Variants in NALF1 observed in about 807,000 individuals in gnomAD.
The protein encoded by NALF1 is NALCN channel auxiliary factor 1.
In NALF1, 3 loss-of-function variants were observed where a neutral mutation model predicts 48.4. The ratio of observed to expected loss-of-function variants is 0.06; its 90% CI spans 0.03 to 0.16. NALF1 has a LOEUF of 0.16. Ranked by LOEUF, NALF1 falls within the 10% of genes least tolerant of loss-of-function variation. The pLI is 1.00. For missense variants in NALF1, 526 were observed against 571.5 expected (o/e 0.92, Z 0.81); for synonymous variants, 262 against 245.7 (o/e 1.07, Z -0.62).
At chr13:107,280,696 C>T (rs776396132) in intron 1 of NALF1, among the ~76,000 whole-genome samples, 8 of 152,112 alleles carry the variant, frequency 5.3e-5, no homozygotes, top group East Asian at 1.9e-4. Flanking sequence ...CTTTCTATTC[C>T]GAATTGCCAC....
chr13:107,789,760 G>A (rs968155767), intron 1 of NALF1, among the ~76,000 whole-genome samples: 16 of 152,200 alleles, frequency 1.1e-4, no homozygotes, highest in African/African-American at 3.9e-4. Flanking sequence ...AGGTCTCCCA[G>A]CCGAATGCCC....
chr13:107,314,308 TCTC>T (rs1250302997), intron 1 of NALF1, among the ~76,000 whole-genome samples: 3 of 152,108 alleles, frequency 2.0e-5, no homozygotes, highest in Admixed American at 6.6e-5. Context: ...GTCTGAATAA[TCTC>T]CTTCAAATGC....
chr13:107,794,965 C>T (rs1185124889), intron 1 of NALF1, among the ~76,000 whole-genome samples: 2 of 151,692 alleles, frequency 1.3e-5, no homozygotes, highest in Non-Finnish European at 2.9e-5. Flanking sequence ...ACCTTATTGC[C>T]TGAGAGTATA....
At chr13:107,170,844 G>C in intron 2 of NALF1, 58 bp from the exon 3 acceptor site, 3 of 1,496,084 alleles carry the variant, frequency 2.0e-6, no homozygotes, top group Non-Finnish European at 1.8e-6. Flanking sequence ...CGACATAGTA[G>C]AGTGAAGCTG....
chr13:107,340,495 T>G (rs906398863), intron 1 of NALF1, among the ~76,000 whole-genome samples: 1 of 138,436 alleles, frequency 7.2e-6, no homozygotes, highest in Non-Finnish European at 1.5e-5. Flanking sequence ...CTTTTTGTCT[T>G]TCTTTCTTTC....
intron 2 of NALF1, among the ~76,000 whole-genome samples, chr13:107,206,357 A>G (rs990798058): frequency 2.0e-5 from 3 of 152,166 alleles, no homozygotes; most frequent in African/African-American, 4.8e-5. Context: ...AACATCCTCA[A>G]TCAAAAGCAT....
At chr13:107,506,758 C>T (rs1325972502) in intron 1 of NALF1, among the ~76,000 whole-genome samples, 1 of 151,896 alleles carries the variant, frequency 6.6e-6, no homozygotes, top group African/African-American at 2.4e-5. Flanking sequence ...TTTTATTTAT[C>T]CATTTATCTT....
chr13:107,680,467 TATGA>T (rs1179248682), intron 1 of NALF1, among the ~76,000 whole-genome samples: 3 of 151,956 alleles, frequency 2.0e-5, no homozygotes, highest in Non-Finnish European at 4.4e-5. Flanking sequence ...TGTGAGTGCA[TATGA>T]ATGAGAGTGT....
intron 1 of NALF1, among the ~76,000 whole-genome samples, chr13:107,270,321 C>A (rs981685737): frequency 2.0e-5 from 3 of 151,982 alleles, no homozygotes; most frequent in Non-Finnish European, 4.4e-5. Flanking sequence ...GCAATACATG[C>A]ACTATACACT....
intron 1 of NALF1, among the ~76,000 whole-genome samples, chr13:107,629,737 G>A (rs1220233479): frequency 6.6e-6 from 1 of 152,044 alleles, no homozygotes; most frequent in East Asian, 1.9e-4. Context: ...GATAGATATA[G>A]ATAGAAATGT....
At chr13:107,272,189 C>A in intron 1 of NALF1, among the ~76,000 whole-genome samples, 1 of 65,408 alleles carries the variant, frequency 1.5e-5, no homozygotes, top group Non-Finnish European at 3.7e-5. Context: ...ATAAGCAGAC[C>A]TTAGAATTTT....
chr13:107,689,616 G>C (rs879314210), intron 1 of NALF1, among the ~76,000 whole-genome samples: 3 of 152,038 alleles, frequency 2.0e-5, no homozygotes, highest in Non-Finnish European at 4.4e-5. Context: ...CCAGACATCA[G>C]AGTCATGGCA....
intron 1 of NALF1, among the ~76,000 whole-genome samples, chr13:107,803,313 T>A (rs1878678259): frequency 6.6e-6 from 1 of 152,188 alleles, no homozygotes. Context: ...TATATTTCTA[T>A]ATTAAATATA....
chr13:107,332,297 C>T (rs1464164072), intron 1 of NALF1, among the ~76,000 whole-genome samples: 2 of 152,190 alleles, frequency 1.3e-5, no homozygotes, highest in African/African-American at 4.8e-5. Context: ...CAGTGTGCCA[C>T]CTGGCATACA....
At chr13:107,333,784 T>C (rs1166283775) in intron 1 of NALF1, among the ~76,000 whole-genome samples, 1 of 152,228 alleles carries the variant, frequency 6.6e-6, no homozygotes, top group Non-Finnish European at 1.5e-5. Context: ...AGCTGTTACT[T>C]TCTCCTTTTA....
At chr13:107,697,627 T>A (rs903037415) in intron 1 of NALF1, among the ~76,000 whole-genome samples, 5 of 152,130 alleles carry the variant, frequency 3.3e-5, no homozygotes, top group Admixed American at 6.6e-5. Context: ...ACCTTTTATT[T>A]ATCAAGTAAG....
At chr13:107,261,491 G>A (rs1006409819) in intron 1 of NALF1, among the ~76,000 whole-genome samples, 10 of 152,160 alleles carry the variant, frequency 6.6e-5, no homozygotes, top group East Asian at 1.9e-4. Flanking sequence ...AGCTGCCCCC[G>A]TCCTCAAATC....
At chr13:107,629,269 A>G (rs1269412652) in intron 1 of NALF1, among the ~76,000 whole-genome samples, 1 of 152,186 alleles carries the variant, frequency 6.6e-6, no homozygotes, top group Non-Finnish European at 1.5e-5. Context: ...AGCAGTAATC[A>G]CTAATACATC....
intron 1 of NALF1, among the ~76,000 whole-genome samples, chr13:107,526,725 T>C (rs1329532149): frequency 6.6e-6 from 1 of 152,110 alleles, no homozygotes; most frequent in Non-Finnish European, 1.5e-5. Context: ...TAACCATGGG[T>C]AGAGATACAG....
Sources: allele counts gnomAD v4.1 joint callset (sites outside exome capture counted in the v4.1 genomes callset), GRCh38; gene constraint gnomAD v4.1.1; transcripts MANE v1.5; gene names NCBI Gene and HGNC (gene_info 2026-07-23, HGNC 2026-07-21).